Variants in CACNA2D3 observed in about 807,000 individuals in gnomAD.
The protein encoded by CACNA2D3 is calcium voltage-gated channel auxiliary subunit alpha2delta 3.
CACNA2D3 carries 60 observed loss-of-function variants against 160.6 expected under a neutral mutation model. The ratio of observed to expected loss-of-function variants is 0.37; its 90% CI spans 0.30 to 0.46. The LOEUF is 0.46. CACNA2D3 is among the 20% of genes least tolerant of loss of function. The pLI is 1.00. For synonymous variants in CACNA2D3, 558 were observed against 492.9 expected (o/e 1.13, Z -1.75); for missense variants, 1,205 against 1,365.0 (o/e 0.88, Z 1.85).
intron 2 of CACNA2D3, among the ~76,000 whole-genome samples, chr3:54,138,393 G>A (rs991516936): frequency 3.3e-5 from 5 of 152,212 alleles, no homozygotes; most frequent in African/African-American, 1.2e-4. Flanking sequence ...TGAAGCTTGG[G>A]GTGAGCGGTG....
chr3:54,411,740 A>G (rs1699671465), intron 4 of CACNA2D3, among the ~76,000 whole-genome samples: 1 of 152,218 alleles, frequency 6.6e-6, no homozygotes, highest in Non-Finnish European at 1.5e-5. Flanking sequence ...AGGTATGCCC[A>G]TATTCACTGA....
At position 55,068,614 on chromosome 3, in the gene CACNA2D3, G is replaced by A. The variant is rs148850596; in HGVS notation, c.2988-4831G>A. ...ATATTCTTAAATACTGGTACTTTAC[G>A]TATAGTTTTACAACATTATTTTCCC... is the stretch of plus-strand genomic sequence containing the variant. On this transcript the variant is annotated intron_variant, in intron 35 of 37. Coordinates refer to ENST00000474759, the MANE Select transcript of CACNA2D3 (RefSeq NM_018398.3). Among the ~76,000 whole-genome samples, 29 of 151,840 alleles carry A rather than the reference G, an allele frequency of 1.9e-4. No individual in the cohort carries two copies. In the East Asian group the frequency reaches 2.9e-3, roughly 15 times the overall value.
intron 2 of CACNA2D3, among the ~76,000 whole-genome samples, chr3:54,252,840 G>A (rs2107426878): frequency 6.6e-6 from 1 of 152,034 alleles, no homozygotes; most frequent in African/African-American, 2.4e-5. Context: ...GGGAAGTAGA[G>A]AGGTAGCAGA....
At position 54,976,403 on chromosome 3, in the gene CACNA2D3, A is replaced by G. The variant is rs538482741; in HGVS notation, c.2556+6559A>G. Among the ~76,000 whole-genome samples the G allele has an allele frequency of 2.0e-5, 3 of 152,120 alleles. No individual in the cohort carries two copies. In the East Asian group the frequency reaches 5.8e-4, roughly 29 times the overall value. Reference sequence around the variant, plus strand: ...GCTAGATGACGAGTTAGTGGGTTGCAGTGCACCAGCATGTCACATGTATAC... The same window carrying G: ...GCTAGATGACGAGTTAGTGGGTTGCGGTGCACCAGCATGTCACATGTATAC... On this transcript the variant is annotated intron_variant, in intron 29 of 37. Coordinates refer to ENST00000474759, the MANE Select transcript of CACNA2D3 (RefSeq NM_018398.3).
intron 35 of CACNA2D3, among the ~76,000 whole-genome samples, chr3:55,034,227 TC>T (rs1449157179): frequency 6.6e-6 from 1 of 151,954 alleles, no homozygotes; most frequent in Non-Finnish European, 1.5e-5. Context: ...TATGAAATGT[TC>T]TGCTCTTTTT....
chr3:54,547,445 C>CA (rs1702082309), intron 5 of CACNA2D3, among the ~76,000 whole-genome samples: 1 of 152,136 alleles, frequency 6.6e-6, no homozygotes, highest in African/African-American at 2.4e-5. Flanking sequence ...GATTTGCTCA[C>CA]AGATGATATT....
In CACNA2D3 at chr3:54,714,377, C is replaced by T. The variant is rs143150265; in HGVS notation, c.1168-38222C>T. On this transcript the variant is annotated intron_variant, in intron 11 of 37. Coordinates refer to ENST00000474759, the MANE Select transcript of CACNA2D3 (RefSeq NM_018398.3). Reference sequence around the variant, plus strand: ...GGATGGAGGGCGAGTGCTCTGGGGCCGGGGTATCCTTCAGCGTGAGTTGTC... The same window carrying T: ...GGATGGAGGGCGAGTGCTCTGGGGCTGGGGTATCCTTCAGCGTGAGTTGTC... Among the ~76,000 whole-genome samples, 24 of 152,178 alleles carry T rather than the reference C, an allele frequency of 1.6e-4. No individual in the cohort carries two copies. In the East Asian group the frequency reaches 2.5e-3, roughly 16 times the overall value.
At chr3:54,792,240 C>G (rs1421686700) in intron 13 of CACNA2D3, among the ~76,000 whole-genome samples, 1 of 152,132 alleles carries the variant, frequency 6.6e-6, no homozygotes, top group Non-Finnish European at 1.5e-5. Flanking sequence ...GTAACATGAA[C>G]AGTGTTACAG....
At chr3:54,442,018 A>C (rs980973958) in intron 4 of CACNA2D3, among the ~76,000 whole-genome samples, 4 of 152,192 alleles carry the variant, frequency 2.6e-5, no homozygotes. Flanking sequence ...TGTGTTGCCC[A>C]GGCTGGTCTT....
chr3:54,739,192 A>T (rs1012386981), intron 11 of CACNA2D3, among the ~76,000 whole-genome samples: 4 of 151,826 alleles, frequency 2.6e-5, no homozygotes, highest in African/African-American at 9.7e-5. Flanking sequence ...GGCCGAGGTG[A>T]GTGGATCACC....
chr3:54,498,655 G>A (rs1406265845), intron 4 of CACNA2D3, among the ~76,000 whole-genome samples: 3 of 151,850 alleles, frequency 2.0e-5, no homozygotes, highest in East Asian at 3.9e-4. Flanking sequence ...TGTTAAGGTA[G>A]AATCTTAAGG....
chr3:54,686,972 G>C (rs532007352), intron 11 of CACNA2D3, among the ~76,000 whole-genome samples: 2 of 152,044 alleles, frequency 1.3e-5, no homozygotes, highest in Non-Finnish European at 2.9e-5. Context: ...AAAAAGGGCT[G>C]TTAGACATTT....
chr3:54,329,750 T>C (rs1704203423), intron 3 of CACNA2D3, among the ~76,000 whole-genome samples: 1 of 152,112 alleles, frequency 6.6e-6, no homozygotes, highest in Non-Finnish European at 1.5e-5. Flanking sequence ...AAAGCCATAA[T>C]AATAATAATA....
chr3:54,398,205 G>A (rs1212429052), intron 4 of CACNA2D3, among the ~76,000 whole-genome samples: 2 of 129,862 alleles, frequency 1.5e-5, no homozygotes, highest in Non-Finnish European at 3.2e-5. Flanking sequence ...TTGAGCCTAT[G>A]TGTGTCTCTG....
At chr3:54,231,014 A>G (rs1701759612) in intron 2 of CACNA2D3, among the ~76,000 whole-genome samples, 1 of 152,184 alleles carries the variant, frequency 6.6e-6, no homozygotes, top group African/African-American at 2.4e-5. Context: ...GATGGACTCC[A>G]TTTCTGGGTT....
chr3:54,444,668 A>C (rs547979804), intron 4 of CACNA2D3, among the ~76,000 whole-genome samples: 62 of 152,348 alleles, frequency 4.1e-4, no homozygotes, highest in African/African-American at 1.5e-3. Flanking sequence ...AGGCACACTC[A>C]GAGCTGCCAG....
chr3:54,988,162 G>A (rs1026825239), intron 31 of CACNA2D3, among the ~76,000 whole-genome samples: 8 of 152,242 alleles, frequency 5.3e-5, no homozygotes, highest in South Asian at 2.1e-4. Flanking sequence ...GATGAAAGGT[G>A]GTATTTAGAG....
intron 13 of CACNA2D3, among the ~76,000 whole-genome samples, chr3:54,787,311 CT>C (rs1275458853): frequency 1.3e-5 from 2 of 152,158 alleles, no homozygotes; most frequent in Admixed American, 1.3e-4. Context: ...TTTAAGCCCC[CT>C]CATATATTAA....
chr3:54,814,225 T>A (rs1476577397), intron 13 of CACNA2D3, among the ~76,000 whole-genome samples: 1 of 152,198 alleles, frequency 6.6e-6, no homozygotes, highest in Admixed American at 6.5e-5. Context: ...CTTCTCAACA[T>A]AGCCCTTCAT....
Sources: gnomAD v4.1 joint callset for allele counts (sites outside exome capture counted in the v4.1 genomes callset) on GRCh38, gnomAD v4.1.1 for gene constraint, MANE v1.5 for transcripts, NCBI Gene and HGNC (gene_info 2026-07-23, HGNC 2026-07-21) for gene names.